The following RUSC1 variants were observed in gnomAD, a reference collection of about 807,000 sequenced individuals.
RUSC1 encodes the protein AP-4 complex accessory subunit RUSC1.
RUSC1 carries 40 observed loss-of-function variants against 72.1 expected under a neutral mutation model. The ratio of observed to expected loss-of-function variants is 0.55; its 90% CI spans 0.43 to 0.72. The LOEUF (loss-of-function observed/expected upper bound fraction) is 0.72. RUSC1 is among the 30% of genes least tolerant of loss of function. The probability of loss-of-function intolerance (pLI) is 0.00; values close to 1 mark genes in which losing one functional copy is unlikely to be tolerated. For missense variants in RUSC1, 1,092 were observed against 1,172.3 expected (o/e 0.93, Z 1.00); for synonymous variants, 512 against 494.2 (o/e 1.04, Z -0.48).
intron 2 of RUSC1, chr1:155,324,518 T>C (rs761592128): frequency 6.2e-5 from 100 of 1,603,118 alleles, no homozygotes; most frequent in South Asian, 1.9e-4. Flanking sequence ...TCTCCCGCCC[T>C]ACAGGCCCTA....
Position 155,327,057 on chromosome 1 carries a change from G to A in RUSC1, c.2339G>A (p.Arg780Lys). 4 of 1,613,398 alleles carry A rather than the reference G, an allele frequency of 2.5e-6. No individual in the cohort carries two copies. Among genetic ancestry groups the A allele is most frequent in the Non-Finnish European group, 2.5e-6 (3 of 1,179,968 alleles). ...PLPTDEMAPG[R>K]GLWLGRLFGV... is the part of the protein sequence containing the mutation. ...CCCACAGATGAGATGGCACCAGGCA[G>A]GGGCCTCTGGTTGGGAAGACTATTT... Residue 780 changes from arginine to lysine, a missense_variant, in exon 8 of 10, where the codon AGG (arginine) becomes AAG (lysine). Coordinates refer to ENST00000368352, the MANE Select transcript of RUSC1 (RefSeq NM_001105203.2).
In RUSC1 at chr1:155,322,324, C is replaced by T; in HGVS notation, c.551C>T (p.Ala184Val). The change falls in exon 2 of 10, where the codon GCC becomes GTC. Residue 184 changes from alanine to valine, a missense_variant. Transcript: ENST00000368352. ...CCTGGCCTGGACTCGAACTGCAACG[C>T]CCTGACCACCTGCCAGGACGTCCCT... ...PDPGLDSNCNALTTCQDVPSP... is the reference protein window; with the variant it reads ...PDPGLDSNCNVLTTCQDVPSP... The T allele has an allele frequency of 6.2e-7, 1 of 1,612,686 alleles. No individual in the cohort carries two copies. The highest frequency in any genetic ancestry group is 2.2e-5 in the East Asian group (1 of 44,820).
chr1:155,326,607 C>G lies in RUSC1; in HGVS notation c.1889C>G (p.Thr630Arg), dbSNP rs1422904606. 9.3e-6 allele frequency: 15 copies of G among 1,613,428 alleles called. No homozygotes were observed. The highest frequency in any genetic ancestry group is 1.3e-5 in the Non-Finnish European group (15 of 1,179,686). Residue 630 changes from threonine to arginine, a missense_variant, in exon 8 of 10, where the codon ACA (threonine) becomes AGA (arginine). Coordinates refer to ENST00000368352, the MANE Select transcript of RUSC1 (RefSeq NM_001105203.2). This position sits in a 1 kb window ranked among gnomAD's most constrained non-coding sequence, Gnocchi z 4.7. ...CTGCTCTCCCTCCTGTACCTGCCAACAGGATTTTTCTCCCTGGCCCGCGGT... is the reference window on the plus strand; with the variant it reads ...CTGCTCTCCCTCCTGTACCTGCCAAGAGGATTTTTCTCCCTGGCCCGCGGT... Reference protein sequence around the residue: ...AGLLSLLYLPTGFFSLARGGC... With the variant: ...AGLLSLLYLPRGFFSLARGGC...
rs201580824 is a variant in RUSC1 at position 155,322,859 on chromosome 1, G to A, written c.1086G>A (p.Ser362=). 2.2e-4 allele frequency: 357 copies of A among 1,612,846 alleles called. 1 individual carries two copies. The African/African-American group carries it at 4.1e-3, about 18-fold the overall frequency. ...LPPSGSPGGS[S]APPREVTTFK... ...CCTCGGGGTCGCCGGGCGGCTCCTC[G>A]GCACCTCCTCGGGAAGTCACCACCT... is the stretch of plus-strand genomic sequence containing the variant. Residue 362 remains serine, a synonymous_variant, in exon 2 of 10, where the codon TCG becomes TCA. Coordinates refer to ENST00000368352, the MANE Select transcript of RUSC1 (RefSeq NM_001105203.2).
intron 1 of RUSC1, chr1:155,321,389 G>C (rs1051076279): frequency 1.1e-5 from 15 of 1,386,470 alleles, no homozygotes; most frequent in Non-Finnish European, 1.4e-5. Flanking sequence ...TGCGGCAGCA[G>C]GGACCTGGAG....
In RUSC1 at chr1:155,323,821, G is replaced by C. The variant is rs1273140566; in HGVS notation, c.1357+691G>C. ...GCCTCCGCCCAGGCTACGTAAGACGGACCCGGGCTAGCCCCGCGGGCCACG... is the reference window on the plus strand; with the variant it reads ...GCCTCCGCCCAGGCTACGTAAGACGCACCCGGGCTAGCCCCGCGGGCCACG... On this transcript the variant is annotated intron_variant, in intron 2 of 9. Coordinates refer to ENST00000368352, the MANE Select transcript of RUSC1 (RefSeq NM_001105203.2). The C allele has an allele frequency of 6.9e-6, 5 of 725,112 alleles. No homozygotes were observed. The African/African-American group carries it at 9.6e-5, about 14-fold the overall frequency. 44.9% of individuals were successfully genotyped at this position (725,112 alleles called of 1,614,324 possible). A position where few individuals can be genotyped will look rare whatever the true frequency, so the allele number is the denominator to read the frequency against.
rs1431133670 is a variant in RUSC1, at chr1:155,329,844, G to A, written c.2541-559G>A. Among the ~76,000 whole-genome samples the A allele has an allele frequency of 2.6e-5, 4 of 151,378 alleles. No individual in the cohort carries two copies. In the South Asian group the frequency reaches 8.3e-4, roughly 32 times the overall value. On this transcript the variant is annotated intron_variant, in intron 9 of 9. Coordinates refer to ENST00000368352, the MANE Select transcript of RUSC1 (RefSeq NM_001105203.2). The stretch of plus-strand genomic sequence containing the variant: ...GTGGTGGTGGGCACTTGTAGTCCCA[G>A]CTACTCGGGAGGCTGAGGCAGGAGA...
At position 155,323,143 on chromosome 1, in the gene RUSC1, A is replaced by C; in HGVS notation, c.1357+13A>C. On this transcript the variant is annotated intron_variant, in intron 2 of 9. Coordinates refer to ENST00000368352, the MANE Select transcript of RUSC1 (RefSeq NM_001105203.2). ...GCCGGCCTGGAGGGTAAGAGGTCGC[A>C]AGAAGCGGGAGGAGGGCTGGGCTTC... The C allele has an allele frequency of 7.1e-7, 1 of 1,401,688 alleles. No homozygotes were observed. The highest frequency in any genetic ancestry group is 1.6e-5 in the South Asian group (1 of 62,584). 86.8% of individuals were successfully genotyped at this position (1,401,688 alleles called of 1,614,324 possible).
Position 155,330,429 on chromosome 1 carries a change from C to A in RUSC1, c.2567C>A (p.Thr856Asn). Residue 856 changes from threonine to asparagine, a missense_variant, in exon 10 of 10, where the codon ACT (threonine) becomes AAT (asparagine). Coordinates refer to ENST00000368352, the MANE Select transcript of RUSC1 (RefSeq NM_001105203.2). Reference protein sequence around the residue: ...HRAVRALCDHTAARPDQLSFR... With the variant: ...HRAVRALCDHNAARPDQLSFR... ...GCAGTGCGGGCTCTCTGTGATCACA[C>A]TGCTGCAAGACCTGACCAGTTGAGC... 6.2e-7 allele frequency: 1 copy of A among 1,613,144 alleles called. No homozygotes were observed.
chr1:155,324,370 G>T (rs765014283), intron 2 of RUSC1: 29 of 1,610,002 alleles, frequency 1.8e-5, no homozygotes, highest in South Asian at 5.5e-5. Context: ...CTCGGGTCTC[G>T]CCTCCCTCCG....
intron 8 of RUSC1, 37 bp from the exon 9 acceptor site, chr1:155,328,113 A>C: frequency 2.5e-6 from 4 of 1,591,720 alleles, no homozygotes; most frequent in Non-Finnish European, 3.4e-6. Context: ...GTTTTCTGGA[A>C]GTGGGTTGAG....
chr1:155,323,396 C>G (rs1248855155), intron 2 of RUSC1: 2 of 376,526 alleles, frequency 5.3e-6, no homozygotes, highest in Admixed American at 4.6e-5. Context: ...CCAATCCCGC[C>G]TGCAGCCGGT....
rs1474604247 is a variant in RUSC1 at position 155,322,828 on chromosome 1, T to A, written c.1055T>A (p.Leu352His). Reference sequence around the variant, plus strand: ...ATAGTCTTCTCGCCCGACACCGAGCTCCCCCCCTCGGGGTCGCCGGGCGGC... The same window carrying A: ...ATAGTCTTCTCGCCCGACACCGAGCACCCCCCCTCGGGGTCGCCGGGCGGC... ...WLIVFSPDTE[L>H]PPSGSPGGSS... is the part of the protein sequence containing the mutation. Residue 352 changes from leucine (L) to histidine (H), a missense_variant, in exon 2 of 10, where the codon CTC (leucine) becomes CAC (histidine). Leu to His is a moderately conservative substitution (Grantham distance 99). Transcript: ENST00000368352. 6.2e-7 allele frequency: 1 copy of A among 1,611,108 alleles called. No individual in the cohort carries two copies. Among genetic ancestry groups the A allele is most frequent in the African/African-American group, 1.3e-5 (1 of 74,274 alleles).
At chr1:155,327,191 T>TTCATTTGAAAC in intron 8 of RUSC1, 59 bp downstream of exon 8, 1 of 1,492,412 alleles carries the variant, frequency 6.7e-7, no homozygotes, top group South Asian at 1.3e-5. Context: ...TCCTAGCGGC[T>TTCATTTGAAAC]TCATTTGAAA....
In RUSC1 at chr1:155,326,809, C is replaced by G. The variant is rs780807973; in HGVS notation, c.2091C>G (p.His697Gln). The change falls in exon 8 of 10, where the codon CAC (histidine) becomes CAG (glutamine). Residue 697 changes from histidine (H) to glutamine (Q), a missense_variant. His to Gln is a conservative substitution (Grantham distance 24). Coordinates refer to ENST00000368352, the MANE Select transcript of RUSC1 (RefSeq NM_001105203.2). The surrounding 1 kb of genome is among the most constrained non-coding windows in gnomAD (Gnocchi z 4.7). Reference protein sequence around the residue: ...ALQQTMQAMLHFGGRLAQSLR... With the variant: ...ALQQTMQAMLQFGGRLAQSLR... ...AGCAGACTATGCAAGCCATGCTGCA[C>G]TTTGGGGGCCGGCTGGCCCAGAGCC... 3 of 1,613,418 alleles carry G rather than the reference C, an allele frequency of 1.9e-6. No individual in the cohort carries two copies. The highest frequency in any genetic ancestry group is 3.3e-5 in the Admixed American group (2 of 60,032).
chr1:155,330,387 C>T lies in RUSC1; in HGVS notation c.2541-16C>T, dbSNP rs1009542305. ...CACCTCACCTCATCCCAGTATCTTCCTCTGGCTCCCCTCAGGGCAGTGCGG... is the reference window on the plus strand; with the variant it reads ...CACCTCACCTCATCCCAGTATCTTCTTCTGGCTCCCCTCAGGGCAGTGCGG... On this transcript the variant is annotated splice_polypyrimidine_tract_variant and intron_variant, in intron 9 of 9. Transcript: ENST00000368352. 6.2e-7 allele frequency: 1 copy of T among 1,612,216 alleles called. No individual in the cohort carries two copies. Among genetic ancestry groups the T allele is most frequent in the Non-Finnish European group, 8.5e-7 (1 of 1,179,946 alleles).
chr1:155,321,473 A>G, intron 1 of RUSC1: 1 of 1,465,582 alleles, frequency 6.8e-7, no homozygotes, highest in Non-Finnish European at 9.2e-7. Context: ...GCGTTCTCTG[A>G]CCCTCCCGGC....
Position 155,322,133 on chromosome 1 carries a change from A to C in RUSC1, c.360A>C (p.Ser120=). Residue 120 remains serine, a synonymous_variant, in exon 2 of 10, where the codon TCA becomes TCC. Transcript: ENST00000368352. The stretch of plus-strand genomic sequence containing the variant: ...TTAGCCCCGATGAGTCCCCTGTCTC[A>C]GTCTACTTGCGGGACCTCCCTGGTG... ...SDLSPDESPV[S]VYLRDLPGDE... is the part of the protein sequence containing the mutation. 6.2e-7 allele frequency: 1 copy of C among 1,606,682 alleles called. No individual in the cohort carries two copies. The highest frequency in any genetic ancestry group is 1.1e-5 in the South Asian group (1 of 90,382).
intron 2 of RUSC1, 130 bp downstream of exon 2, chr1:155,323,260 G>A: frequency 9.2e-7 from 1 of 1,091,614 alleles, no homozygotes; most frequent in Non-Finnish European, 1.2e-6. Context: ...ACCAGGGAGC[G>A]CTCCGGGAAA....
Sources: gnomAD v4.1 joint callset for allele counts (sites outside exome capture counted in the v4.1 genomes callset) on GRCh38, gnomAD v4.1.1 for gene constraint, Gnocchi (gnomAD v3.1) non-coding constraint, MANE v1.5 for transcripts, NCBI Gene and HGNC (gene_info 2026-07-23, HGNC 2026-07-21) for gene names.